PDE4D: variants seen among roughly 807,000 people sequenced by gnomAD.
PDE4D encodes the protein phosphodiesterase 4D, also known as 3',5'-cyclic-AMP phosphodiesterase 4D.
In PDE4D, 24 loss-of-function variants were observed where a neutral mutation model predicts 87.4. The observed-to-expected ratio is 0.27, with a 90% CI of 0.20 to 0.39. The LOEUF (loss-of-function observed/expected upper bound fraction) is 0.39, where lower values mean the gene tolerates loss of function less well. Ranked by LOEUF, PDE4D falls within the 10% of genes least tolerant of loss-of-function variation. The probability of loss-of-function intolerance (pLI) is 1.00; values close to 1 mark genes in which losing one functional copy is unlikely to be tolerated. For synonymous variants in PDE4D, 384 were observed against 383.2 expected (o/e 1.00, Z -0.02); for missense variants, 714 against 1,041.0 (o/e 0.69, Z 4.32).
At position 59,734,868 on chromosome 5, in the gene PDE4D, T is replaced by C. The variant is rs76323319; in HGVS notation, c.455+158300A>G. ...GCTTGCGGAGGTCTAGACTGCAATG[T>C]CTGTAATTGAATTTTAAACTGGCTT... On this transcript the variant is annotated intron_variant, in intron 1 of 14. Transcript: ENST00000340635. Among the ~76,000 whole-genome samples the C allele has an allele frequency of 4.4e-3, 672 of 152,282 alleles. 8 individuals carry two copies. Among genetic ancestry groups the C allele is most frequent in the African/African-American group, 0.015 (639 of 41,560 alleles).
At chr5:59,768,441 C>A (rs1445785381) in intron 1 of PDE4D, 2 of 1,598,370 alleles carry the variant, frequency 1.3e-6, no homozygotes, top group South Asian at 2.2e-5. Context: ...CGTTCAGCCA[C>A]GGGTTTGGAC....
intron 1 of PDE4D, among the ~76,000 whole-genome samples, chr5:59,327,979 T>C (rs773780743): frequency 6.3e-4 from 96 of 152,332 alleles, no homozygotes; most frequent in South Asian, 1.2e-3. Flanking sequence ...AAATGTTCTA[T>C]AAGTGTATTT....
intron 1 of PDE4D, among the ~76,000 whole-genome samples, chr5:59,622,506 A>C (rs1269929312): frequency 6.6e-6 from 1 of 152,138 alleles, no homozygotes; most frequent in East Asian, 1.9e-4. Flanking sequence ...TGACTACCTT[A>C]ATGTATGGCT....
intron 1 of PDE4D, among the ~76,000 whole-genome samples, chr5:59,371,789 A>C (rs1252766157): frequency 1.3e-5 from 2 of 152,232 alleles, no homozygotes; most frequent in Non-Finnish European, 2.9e-5. Context: ...TAAACACGTC[A>C]AAGGCATCTG....
intron 1 of PDE4D, among the ~76,000 whole-genome samples, chr5:59,850,097 T>C (rs987084793): frequency 6.6e-6 from 1 of 152,076 alleles, no homozygotes; most frequent in African/African-American, 2.4e-5. Flanking sequence ...AAACTTCCTT[T>C]GTCCCAGGAG....
At chr5:59,999,601 C>T (rs1362541480) in intron 2 of PDE4D, among the ~76,000 whole-genome samples, 10 of 149,998 alleles carry the variant, frequency 6.7e-5, no homozygotes, top group African/African-American at 2.4e-4. Flanking sequence ...AAAAGTCTTC[C>T]CCTGTATGAA....
intron 1 of PDE4D, among the ~76,000 whole-genome samples, chr5:59,460,172 GTA>G (rs2153645679): frequency 6.6e-6 from 1 of 151,906 alleles, no homozygotes; most frequent in East Asian, 1.9e-4. Flanking sequence ...TTTATTAAAT[GTA>G]TATGTTATAT....
At chr5:60,080,697 T>G (rs1376294917) in intron 2 of PDE4D, among the ~76,000 whole-genome samples, 1 of 152,236 alleles carries the variant, frequency 6.6e-6, no homozygotes, top group African/African-American at 2.4e-5. Flanking sequence ...GATTTTCATA[T>G]GTTGAACCAG....
At chr5:59,061,675 T>G (rs1051094926) in intron 5 of PDE4D, among the ~76,000 whole-genome samples, 2 of 152,140 alleles carry the variant, frequency 1.3e-5, no homozygotes, top group African/African-American at 2.4e-5. Flanking sequence ...GTTGTCATCC[T>G]CACTCAGATT....
At chr5:59,175,781 A>ATTTTTTTTTTTTT (rs57572403) in intron 5 of PDE4D, among the ~76,000 whole-genome samples, 7 of 94,582 alleles carry the variant, frequency 7.4e-5, no homozygotes, top group African/African-American at 2.0e-4. Flanking sequence ...CCCGGCCTCC[A>ATTTTTTTTTTTTT]TTTTTTTTTT....
At chr5:59,723,966 C>T (rs1377111573) in intron 1 of PDE4D, among the ~76,000 whole-genome samples, 11 of 152,038 alleles carry the variant, frequency 7.2e-5, no homozygotes, top group Non-Finnish European at 1.0e-4. Flanking sequence ...TCTCTCCTTC[C>T]CTCAGGTAGC....
At chr5:60,149,678 A>C (rs930699123) in intron 2 of PDE4D, among the ~76,000 whole-genome samples, 3 of 151,886 alleles carry the variant, frequency 2.0e-5, no homozygotes, top group Admixed American at 6.6e-5. Flanking sequence ...TTCTGGTATC[A>C]TTTAATGAAA....
intron 6 of PDE4D, among the ~76,000 whole-genome samples, chr5:59,028,251 C>T (rs1466155387): frequency 6.6e-6 from 1 of 151,754 alleles, no homozygotes; most frequent in African/African-American, 2.4e-5. Context: ...AGGAATAAAA[C>T]ATATAAAACA....
chr5:59,812,658 G>A (rs1768492747), intron 1 of PDE4D, among the ~76,000 whole-genome samples: 2 of 150,552 alleles, frequency 1.3e-5, no homozygotes, highest in African/African-American at 4.9e-5. Context: ...AGGTGACAAA[G>A]TGAGACTCCA....
At chr5:59,240,806 ACATC>A (rs1204686750) in intron 1 of PDE4D, among the ~76,000 whole-genome samples, 1 of 20,348 alleles carries the variant, frequency 4.9e-5, no homozygotes, top group Non-Finnish European at 1.0e-4. Flanking sequence ...ACACACACAC[ACATC>A]CCTTTTGGAT....
intron 1 of PDE4D, among the ~76,000 whole-genome samples, chr5:59,699,056 T>C (rs1012454996): frequency 6.6e-6 from 1 of 152,214 alleles, no homozygotes; most frequent in Non-Finnish European, 1.5e-5. Context: ...GAGCTTACAA[T>C]GTCAATGACT....
intron 3 of PDE4D, among the ~76,000 whole-genome samples, chr5:59,191,034 G>A (rs187769384): frequency 1.1e-4 from 16 of 152,124 alleles, no homozygotes; most frequent in Non-Finnish European, 1.9e-4. Context: ...ATTATTTTTA[G>A]GCATCAGATA....
intron 1 of PDE4D, among the ~76,000 whole-genome samples, chr5:59,842,339 ACCT>A (rs1743142225): frequency 6.6e-6 from 1 of 152,020 alleles, no homozygotes; most frequent in Admixed American, 6.6e-5. Flanking sequence ...GAAATATCAC[ACCT>A]CCTCAAGACT....
At chr5:59,270,122 T>A (rs1252610987) in intron 1 of PDE4D, among the ~76,000 whole-genome samples, 5 of 152,266 alleles carry the variant, frequency 3.3e-5, no homozygotes, top group Non-Finnish European at 5.9e-5. Flanking sequence ...TTTCAAGGTA[T>A]CTTAATCATT....
Sources: allele counts gnomAD v4.1 joint callset (sites outside exome capture counted in the v4.1 genomes callset), GRCh38; gene constraint gnomAD v4.1.1; transcripts MANE v1.5; gene names NCBI Gene and HGNC (gene_info 2026-07-23, HGNC 2026-07-21).